The following CDK14 variants were observed in gnomAD, a reference collection of about 807,000 sequenced individuals.
CDK14 encodes the protein cyclin dependent kinase 14.
In CDK14, 34 loss-of-function variants were observed where a neutral mutation model predicts 60.7. The ratio of observed to expected loss-of-function variants is 0.56; its 90% CI spans 0.43 to 0.75. The LOEUF (loss-of-function observed/expected upper bound fraction) is 0.75. Among genes scored for constraint, CDK14 ranks in the 30% least tolerant of loss-of-function variants. CDK14 has a pLI of 0.00. For synonymous variants in CDK14, 197 were observed against 203.7 expected (o/e 0.97, Z 0.28); for missense variants, 482 against 564.1 (o/e 0.85, Z 1.47).
chr7:91,124,751 A>G (rs1799891506), intron 14 of CDK14, among the ~76,000 whole-genome samples: 1 of 152,220 alleles, frequency 6.6e-6, no homozygotes, highest in Non-Finnish European at 1.5e-5. Flanking sequence ...GCAGCATAAT[A>G]TGAGTGAAGC....
At chr7:90,812,082 A>G (rs1789144962) in intron 5 of CDK14, among the ~76,000 whole-genome samples, 1 of 152,212 alleles carries the variant, frequency 6.6e-6, no homozygotes, top group Admixed American at 6.5e-5. Flanking sequence ...ATCTAGAACT[A>G]GAAATACCAT....
chr7:90,686,446 GA>G (rs1337225719), intron 2 of CDK14, among the ~76,000 whole-genome samples: 1 of 152,140 alleles, frequency 6.6e-6, no homozygotes, highest in Non-Finnish European at 1.5e-5. Flanking sequence ...TAATGAGAAT[GA>G]ATTTGGGGAA....
intron 2 of CDK14, among the ~76,000 whole-genome samples, chr7:90,696,395 C>G (rs1259554454): frequency 7.3e-6 from 1 of 136,550 alleles, no homozygotes; most frequent in Non-Finnish European, 1.5e-5. Flanking sequence ...GGCTGGATTG[C>G]AATGGCACAA....
At position 90,609,172 on chromosome 7, in the gene CDK14, A is replaced by G. The variant is rs541693039; in HGVS notation, c.123+4923A>G. ...CTTCTAAGTAGCTGGGACCACAGGCATCCACCACCACCTGGCTAATTTTTG... is the reference window on the plus strand; with the variant it reads ...CTTCTAAGTAGCTGGGACCACAGGCGTCCACCACCACCTGGCTAATTTTTG... On this transcript the variant is annotated intron_variant, in intron 2 of 14. Transcript: ENST00000380050. Among the ~76,000 whole-genome samples, 6 of 152,148 alleles carry G rather than the reference A, an allele frequency of 3.9e-5. No individual in the cohort carries two copies. In the East Asian group the frequency reaches 1.2e-3, roughly 29 times the overall value.
intron 10 of CDK14, among the ~76,000 whole-genome samples, chr7:91,024,880 C>T (rs1220142550): frequency 6.6e-6 from 1 of 152,172 alleles, no homozygotes; most frequent in African/African-American, 2.4e-5. Flanking sequence ...ATTATTTACC[C>T]TCTTCAGAGC....
intron 14 of CDK14, among the ~76,000 whole-genome samples, chr7:91,206,583 T>C (rs1224339366): frequency 6.6e-6 from 1 of 152,186 alleles, no homozygotes; most frequent in Non-Finnish European, 1.5e-5. Context: ...CAAGTTGTTA[T>C]TGTTTTAAGC....
intron 11 of CDK14, among the ~76,000 whole-genome samples, chr7:91,075,552 C>T (rs531505390): frequency 1.5e-3 from 230 of 152,224 alleles, no homozygotes; most frequent in African/African-American, 5.3e-3. Flanking sequence ...CTTTGAAAAC[C>T]GTCACAAGAC....
chr7:91,079,544 CAT>C (rs1433124238), intron 12 of CDK14, 64 bp downstream of exon 12: 73 of 1,158,742 alleles, frequency 6.3e-5, no homozygotes, highest in Non-Finnish European at 8.9e-5. Flanking sequence ...CAACTCTTCT[CAT>C]ACGTTTTTCA....
intron 2 of CDK14, among the ~76,000 whole-genome samples, chr7:90,631,389 G>A (rs1180546211): frequency 2.6e-5 from 4 of 152,288 alleles, no homozygotes; most frequent in South Asian, 2.1e-4. Context: ...TGGAGGAAGG[G>A]ATTTGGCTAA....
chr7:90,990,036 T>G (rs1432079452), intron 10 of CDK14, among the ~76,000 whole-genome samples: 1 of 152,150 alleles, frequency 6.6e-6, no homozygotes, highest in East Asian at 1.9e-4. Context: ...GACTGCACTT[T>G]GATAGTTTAG....
intron 9 of CDK14, among the ~76,000 whole-genome samples, chr7:90,983,671 C>G (rs1405865684): frequency 7.0e-6 from 1 of 141,890 alleles, no homozygotes; most frequent in East Asian, 2.1e-4. Flanking sequence ...CAGAGCAAGA[C>G]TCCATCTCAA....
At chr7:91,150,232 T>C (rs546608259) in intron 14 of CDK14, among the ~76,000 whole-genome samples, 12 of 152,240 alleles carry the variant, frequency 7.9e-5, no homozygotes, top group Non-Finnish European at 1.8e-4. Context: ...TGCCAGGATA[T>C]AATACCTCTT....
At position 91,049,576 on chromosome 7, in the gene CDK14, G is replaced by T. The variant is rs538608817; in HGVS notation, c.1105+3616G>T. ...TAGGTGTATGTACAAATTCATATAT[G>T]TGTATCTGTGTAAGAAAAACCAGTT... On this transcript the variant is annotated intron_variant, in intron 11 of 14. Coordinates refer to ENST00000380050, the MANE Select transcript of CDK14 (RefSeq NM_001287135.2). 5.3e-5 allele frequency among the ~76,000 whole-genome samples: 8 copies of T among 152,234 alleles called. No homozygotes were observed. The East Asian group carries it at 1.5e-3, about 29-fold the overall frequency.
intron 2 of CDK14, among the ~76,000 whole-genome samples, chr7:90,608,319 A>C (rs1429836135): frequency 2.0e-5 from 3 of 152,214 alleles, no homozygotes; most frequent in Non-Finnish European, 4.4e-5. Flanking sequence ...AATATATGAA[A>C]GGTCAGAAAA....
chr7:90,747,025 A>G (rs145425369), intron 3 of CDK14, among the ~76,000 whole-genome samples: 1 of 152,178 alleles, frequency 6.6e-6, no homozygotes, highest in Non-Finnish European at 1.5e-5. Context: ...TATGATCTGT[A>G]TTGGAACTAC....
chr7:90,641,723 G>T (rs1015868161), intron 2 of CDK14, among the ~76,000 whole-genome samples: 2 of 152,182 alleles, frequency 1.3e-5, no homozygotes, highest in African/African-American at 4.8e-5. Flanking sequence ...CATCAAAATG[G>T]ATTTTGTTGA....
At chr7:90,861,844 A>G (rs919344100) in intron 5 of CDK14, among the ~76,000 whole-genome samples, 1 of 152,316 alleles carries the variant, frequency 6.6e-6, no homozygotes, top group South Asian at 2.1e-4. Context: ...AGTAGCCCAC[A>G]TCTACCCAAA....
At chr7:90,623,376 T>TTA (rs1371120665) in intron 2 of CDK14, among the ~76,000 whole-genome samples, 2 of 152,164 alleles carry the variant, frequency 1.3e-5, no homozygotes, top group Admixed American at 6.5e-5. Flanking sequence ...TTTGATATCT[T>TTA]TATAGTTACT....
intron 14 of CDK14, among the ~76,000 whole-genome samples, chr7:91,123,941 G>C (rs1799861249): frequency 6.6e-6 from 1 of 151,854 alleles, no homozygotes; most frequent in Non-Finnish European, 1.5e-5. Flanking sequence ...TTTTTTTTAA[G>C]AGACAGGGTC....
Sources: gnomAD v4.1 joint callset for allele counts (sites outside exome capture counted in the v4.1 genomes callset) on GRCh38, gnomAD v4.1.1 for gene constraint, MANE v1.5 for transcripts, NCBI Gene and HGNC (gene_info 2026-07-23, HGNC 2026-07-21) for gene names.